NAV1: variants seen among roughly 807,000 people sequenced by gnomAD.
NAV1 encodes the protein neuron navigator 1, also known as pore membrane and/or filament interacting like protein 3.
In NAV1, 18 loss-of-function variants were observed where a neutral mutation model predicts 175.2. The ratio of observed to expected loss-of-function variants is 0.10; its 90% confidence interval spans 0.07 to 0.15. NAV1 has a LOEUF of 0.15. NAV1 is among the 10% of genes least tolerant of loss of function. The probability of loss-of-function intolerance (pLI) is 1.00; values close to 1 mark genes in which losing one functional copy is unlikely to be tolerated. For synonymous variants in NAV1, 897 were observed against 978.7 expected (o/e 0.92, Z 1.56); for missense variants, 1,731 against 2,436.6 (o/e 0.71, Z 6.10).
chr1:201,800,267 C>T (rs1230927725), intron 15 of NAV1, among the ~76,000 whole-genome samples: 1 of 152,366 alleles, frequency 6.6e-6, no homozygotes, highest in East Asian at 1.9e-4. Flanking sequence ...TCCCAGAGTG[C>T]TGGAATTACA....
intron 13 of NAV1, chr1:201,791,174 T>C (rs1249607066): frequency 5.4e-6 from 1 of 185,580 alleles, no homozygotes; most frequent in Non-Finnish European, 1.2e-5. Flanking sequence ...CATGTCTTTG[T>C]TCATGCCACG....
At chr1:201,699,716 C>T (rs1671336040) in intron 1 of NAV1, among the ~76,000 whole-genome samples, 1 of 152,224 alleles carries the variant, frequency 6.6e-6, no homozygotes, top group African/African-American at 2.4e-5. Flanking sequence ...GTAACCAAAA[C>T]AGCATGGTGC....
At chr1:201,618,156 C>A (rs1668057416), upstream of NAV1, among the ~76,000 whole-genome samples, 1 of 152,204 alleles carries the variant, frequency 6.6e-6, no homozygotes, top group Non-Finnish European at 1.5e-5. Context: ...GCCACCCCAC[C>A]CCTGCTGCCA....
chr1:201,640,959 A>T (rs1668737346), intron 2 of NAV1, among the ~76,000 whole-genome samples: 2 of 152,246 alleles, frequency 1.3e-5, no homozygotes, highest in Non-Finnish European at 2.9e-5. Flanking sequence ...GACGAATGAC[A>T]GCCCTGAACA....
chr1:201,654,020 G>A (rs1371613445), intron 1 of NAV1, among the ~76,000 whole-genome samples: 1 of 152,228 alleles, frequency 6.6e-6, no homozygotes, highest in East Asian at 1.9e-4. Flanking sequence ...GCATTGCCTT[G>A]TTCTGACTGC....
chr1:201,825,776 C>G (rs961795032), exon 30 of NAV1: 1 of 152,514 alleles, frequency 6.6e-6, no homozygotes, highest in Admixed American at 6.5e-5. Flanking sequence ...ATTCTCCTGT[C>G]TCAGCCTCCT....
intron 3 of NAV1, chr1:201,739,688 G>C (rs1217161342): frequency 4.7e-6 from 4 of 850,878 alleles, no homozygotes; most frequent in South Asian, 1.1e-4. Flanking sequence ...GGCACCTCCA[G>C]GCTTCCGAGG....
intron 3 of NAV1, among the ~76,000 whole-genome samples, chr1:201,722,080 A>T (rs1304133559): frequency 3.3e-5 from 5 of 152,240 alleles, no homozygotes; most frequent in East Asian, 3.8e-4. Context: ...ATTTATTTTT[A>T]AAAATTGTGG....
intron 1 of NAV1, among the ~76,000 whole-genome samples, chr1:201,665,284 T>A (rs1272106527): frequency 6.6e-6 from 1 of 151,976 alleles, no homozygotes; most frequent in Non-Finnish European, 1.5e-5. Context: ...CATTCTCTGC[T>A]TCTGGCCTCT....
Position 201,564,146 on chromosome 1 carries a change from AAAGG to A in NAV1, c.-143-24380_-143-24377del, listed in dbSNP as rs535582968. On this transcript the variant is annotated intron_variant, in intron 1 of 33. Transcript: ENST00000685211. ...AAGAAGGAGGGAGGGAGGGAGGAAG[AAAGG>A]AAGGAAGGAAGGCAGGCAGGCAGGC... 3.5e-5 allele frequency among the ~76,000 whole-genome samples: 5 copies of A among 144,226 alleles called. No individual in the cohort carries two copies. The South Asian group carries it at 1.1e-3, about 32-fold the overall frequency. 94.6% of individuals were successfully genotyped at this position (144,226 alleles called of 152,430 possible).
chr1:201,562,997 C>T (rs73082569), intron 1 of NAV1, among the ~76,000 whole-genome samples: 17,810 of 152,164 alleles, frequency 0.12, 2,229 homozygotes, highest in African/African-American at 0.32. Flanking sequence ...CACAGGAACA[C>T]GCATAGTAAA....
At chr1:201,717,423 T>G (rs1367575939) in intron 2 of NAV1, among the ~76,000 whole-genome samples, 1 of 152,210 alleles carries the variant, frequency 6.6e-6, no homozygotes, top group East Asian at 1.9e-4. Flanking sequence ...CTAGATGGAA[T>G]TATGGGTCTC....
intron 11 of NAV1, 139 bp downstream of exon 15, chr1:201,789,931 T>C (rs893957118): frequency 3.8e-6 from 3 of 796,220 alleles, no homozygotes; most frequent in Admixed American, 4.2e-5. Flanking sequence ...GGGGTGGGAA[T>C]GGGGGAGGCA....
chr1:201,784,993 C>T (rs1404612898), intron 7 of NAV1, among the ~76,000 whole-genome samples: 6 of 152,190 alleles, frequency 3.9e-5, no homozygotes, highest in Non-Finnish European at 7.3e-5. Flanking sequence ...TGGTCTCGAT[C>T]TCCCGACCTC....
chr1:201,611,581 C>T (rs540032634), intron 2 of NAV1, among the ~76,000 whole-genome samples: 3 of 152,304 alleles, frequency 2.0e-5, no homozygotes, highest in East Asian at 3.9e-4. Flanking sequence ...AGTGGTGTGA[C>T]TTGGGACAAG....
intron 1 of NAV1, among the ~76,000 whole-genome samples, chr1:201,685,509 T>C (rs1670651636): frequency 6.6e-6 from 1 of 152,146 alleles, no homozygotes; most frequent in African/African-American, 2.4e-5. Flanking sequence ...CATTACCCCA[T>C]GTTTGGGTGT....
chr1:201,558,651 C>T (rs2102461557), intron 1 of NAV1, among the ~76,000 whole-genome samples: 2 of 152,226 alleles, frequency 1.3e-5, no homozygotes, highest in African/African-American at 4.8e-5. Context: ...GGGGTCTCAC[C>T]ACGTTGGTCA....
chr1:201,557,875 G>A (rs1666076749), intron 1 of NAV1, among the ~76,000 whole-genome samples: 1 of 152,208 alleles, frequency 6.6e-6, no homozygotes, highest in African/African-American at 2.4e-5. Context: ...AGGGGCTGCG[G>A]AAAGGAAGCC....
At chr1:201,596,982 C>T (rs756318093) in intron 2 of NAV1, among the ~76,000 whole-genome samples, 1 of 152,112 alleles carries the variant, frequency 6.6e-6, no homozygotes, top group African/African-American at 2.4e-5. Flanking sequence ...CCCACCACCA[C>T]ACCCAGCTAA....
Sources: allele counts gnomAD v4.1 joint callset (sites outside exome capture counted in the v4.1 genomes callset), GRCh38; gene constraint gnomAD v4.1.1; transcripts MANE v1.5; gene names NCBI Gene and HGNC (gene_info 2026-07-23, HGNC 2026-07-21).